Variants in SEC22A observed in about 807,000 individuals in gnomAD.
The protein encoded by SEC22A is vesicle-trafficking protein SEC22a.
A neutral mutation model predicts 35.3 loss-of-function variants in SEC22A; 22 were observed. That is an observed-to-expected ratio of 0.62 (90% CI 0.45 to 0.89). The LOEUF is 0.89. Ranked by LOEUF, SEC22A falls within the 40% of genes least tolerant of loss-of-function variation. SEC22A has a pLI of 0.00. For missense variants in SEC22A, 354 were observed against 362.5 expected, an observed-to-expected ratio of 0.98 and a Z score of 0.19; for synonymous variants, 119 against 129.5, an observed-to-expected ratio of 0.92 and a Z score of 0.55.
intron 6 of SEC22A, among the ~76,000 whole-genome samples, chr3:123,260,131 C>CAAAAAAAAAAAAAAAAAAAAAAAAAAA (rs533386545): frequency 1.0e-4 from 5 of 49,784 alleles, no homozygotes; most frequent in Non-Finnish European, 1.3e-4. Context: ...GACTACATCT[C>CAAAAAAAAAAAAAAAAAAAAAAAAAAA]AAAAAAAAAA....
chr3:123,241,000 CTT>C, intron 4 of SEC22A, among the ~76,000 whole-genome samples: 1 of 105,050 alleles, frequency 9.5e-6, no homozygotes, highest in East Asian at 2.4e-4. Flanking sequence ...ATCTCTCTTT[CTT>C]ACACACACAC....
intron 4 of SEC22A, among the ~76,000 whole-genome samples, chr3:123,227,571 G>A (rs913444527): frequency 6.6e-6 from 1 of 152,046 alleles, no homozygotes; most frequent in African/African-American, 2.4e-5. Context: ...AAACCTGCAC[G>A]TTTTGCACAT....
chr3:123,220,261 G>A (rs1183235581), intron 2 of SEC22A, among the ~76,000 whole-genome samples: 1 of 152,086 alleles, frequency 6.6e-6, no homozygotes, highest in South Asian at 2.1e-4. Flanking sequence ...TATTAATGGA[G>A]GATAATCAAA....
intron 2 of SEC22A, among the ~76,000 whole-genome samples, chr3:123,221,638 G>GCTTATTTTGCACC (rs1937126236): frequency 6.6e-6 from 1 of 152,004 alleles, no homozygotes; most frequent in Non-Finnish European, 1.5e-5. Context: ...GTTACTTTGT[G>GCTTATTTTGCACC]TTTTGTGCTC....
At chr3:123,265,211 C>T (rs545874497) in intron 6 of SEC22A, among the ~76,000 whole-genome samples, 2 of 152,076 alleles carry the variant, frequency 1.3e-5, no homozygotes, top group Non-Finnish European at 2.9e-5. Flanking sequence ...AGAGGATGTG[C>T]ATAAGTTAAA....
intron 5 of SEC22A, among the ~76,000 whole-genome samples, chr3:123,259,259 T>C (rs1937820432): frequency 6.6e-6 from 1 of 152,172 alleles, no homozygotes; most frequent in Non-Finnish European, 1.5e-5. Context: ...TGTCAGAACT[T>C]TTCCCCAGTG....
At position 123,208,912 on chromosome 3, in the gene SEC22A, G is replaced by A. The variant is rs146968752; in HGVS notation, c.-19-287G>A. 4.2e-3 allele frequency: 1,162 copies of A among 277,968 alleles called. 20 individuals are homozygous for A. Among genetic ancestry groups the A allele is most frequent in the African/African-American group, 0.024 (1,091 of 44,756 alleles). 17.2% of individuals were successfully genotyped at this position (277,968 alleles called of 1,614,324 possible). On this transcript the variant is annotated intron_variant, in intron 1 of 6. Transcript: ENST00000492595. The stretch of plus-strand genomic sequence containing the variant: ...CGGGTTCAAGCAATTCTCCTGCCTC[G>A]GCCTCCTGAGTAGCTGGGATTACAG...
intron 4 of SEC22A, among the ~76,000 whole-genome samples, chr3:123,235,634 A>T (rs1432664955): frequency 2.6e-5 from 4 of 152,214 alleles, no homozygotes; most frequent in Non-Finnish European, 5.9e-5. Context: ...GTTCCTCAAA[A>T]AGTTAAAAAG....
chr3:123,204,107 C>T (rs1257304456), intron 1 of SEC22A, among the ~76,000 whole-genome samples: 1 of 152,136 alleles, frequency 6.6e-6, no homozygotes, highest in Non-Finnish European at 1.5e-5. Context: ...TTGGTACTGT[C>T]ACATATGCAA....
In SEC22A at chr3:123,257,769, T is replaced by A. The variant is rs188906855; in HGVS notation, c.658-1755T>A. On this transcript the variant is annotated intron_variant, in intron 5 of 6. Coordinates refer to ENST00000492595, the MANE Select transcript of SEC22A (RefSeq NM_012430.5). ...ACTTTGGGAGGCCGAGGCGGGCAGA[T>A]CACAAGGTCAGGAGATCGAGACCAT... Among the ~76,000 whole-genome samples, 51 of 151,968 alleles carry A rather than the reference T, an allele frequency of 3.4e-4. No individual in the cohort carries two copies. The East Asian group carries it at 5.6e-3, about 17-fold the overall frequency.
chr3:123,207,365 G>A (rs1007167525), intron 1 of SEC22A, among the ~76,000 whole-genome samples: 1 of 151,964 alleles, frequency 6.6e-6, no homozygotes, highest in Non-Finnish European at 1.5e-5. Flanking sequence ...TTTTTGGAAT[G>A]AGATAATATT....
intron 5 of SEC22A, among the ~76,000 whole-genome samples, chr3:123,250,377 T>A (rs1250236939): frequency 6.6e-6 from 1 of 151,834 alleles, no homozygotes; most frequent in African/African-American, 2.4e-5. Context: ...GCCACTGCAC[T>A]CTCAGCCTGG....
At chr3:123,207,077 C>A (rs371916350) in intron 1 of SEC22A, among the ~76,000 whole-genome samples, 12 of 152,268 alleles carry the variant, frequency 7.9e-5, no homozygotes, top group African/African-American at 2.6e-4. Context: ...CACAGTGAGA[C>A]CCTGTCTCTG....
chr3:123,209,433 G>T, intron 2 of SEC22A, 34 bp downstream of exon 2: 1 of 1,550,994 alleles, frequency 6.4e-7, no homozygotes. Context: ...TGACTCATTT[G>T]CCCAGTAGTT....
intron 4 of SEC22A, among the ~76,000 whole-genome samples, chr3:123,225,533 A>T (rs1470550636): frequency 1.3e-5 from 2 of 152,188 alleles, no homozygotes; most frequent in Non-Finnish European, 2.9e-5. Flanking sequence ...ACATTTTTTT[A>T]AATTTAAAAT....
chr3:123,248,808 A>G (rs532851134), intron 5 of SEC22A, among the ~76,000 whole-genome samples: 10 of 152,240 alleles, frequency 6.6e-5, no homozygotes, highest in African/African-American at 1.7e-4. Flanking sequence ...ACGATTCTCA[A>G]TACTTCCAGA....
chr3:123,204,272 CAAGAA>C (rs1936810479), intron 1 of SEC22A, among the ~76,000 whole-genome samples: 1 of 151,922 alleles, frequency 6.6e-6, no homozygotes, highest in African/African-American at 2.4e-5. Context: ...AAATAAAGGA[CAAGAA>C]AAGTAAGTCA....
At chr3:123,210,091 A>T (rs1485632752) in intron 2 of SEC22A, among the ~76,000 whole-genome samples, 2 of 152,230 alleles carry the variant, frequency 1.3e-5, no homozygotes, top group Admixed American at 1.3e-4. Context: ...TTTGGAGTCT[A>T]TTAGTCTGTT....
intron 4 of SEC22A, among the ~76,000 whole-genome samples, chr3:123,238,415 C>T (rs989876990): frequency 6.6e-6 from 1 of 152,120 alleles, no homozygotes; most frequent in African/African-American, 2.4e-5. Context: ...CCAGGCTGGC[C>T]TCGAACTCCT....
Sources: allele counts gnomAD v4.1 joint callset (sites outside exome capture counted in the v4.1 genomes callset), GRCh38; gene constraint gnomAD v4.1.1; transcripts MANE v1.5; gene names NCBI Gene and HGNC (gene_info 2026-07-23, HGNC 2026-07-21).